The following BCKDHB variants were observed in gnomAD, a reference collection of about 807,000 sequenced individuals.
The protein encoded by BCKDHB is branched chain keto acid dehydrogenase E1 subunit beta.
A neutral mutation model predicts 48.5 loss-of-function variants in BCKDHB; 41 were observed. The observed-to-expected ratio is 0.85, with a 90% CI of 0.66 to 1.10. BCKDHB has a LOEUF of 1.10. Ranked by LOEUF, BCKDHB falls within the 50% of genes least tolerant of loss-of-function variation. The pLI is 0.00. For synonymous variants in BCKDHB, 201 were observed against 174.8 expected, an observed-to-expected ratio of 1.15 and a Z score of -1.18; for missense variants, 496 against 494.2, an observed-to-expected ratio of 1.00 and a Z score of -0.03.
At chr6:80,318,686 TAA>T (rs756830332) in intron 9 of BCKDHB, among the ~76,000 whole-genome samples, 78 of 117,162 alleles carry the variant, frequency 6.7e-4, no homozygotes, top group African/African-American at 1.9e-3. Flanking sequence ...CTCTCTCTCT[TAA>T]AAAAAAAAAA....
Position 80,171,348 on chromosome 6 carries a change from C to T in BCKDHB, c.700C>T (p.Pro234Ser), listed in dbSNP as rs748990947. 3 of 1,607,528 alleles carry T rather than the reference C, an allele frequency of 1.9e-6. No individual in the cohort carries two copies. Among genetic ancestry groups the T allele is most frequent in the Non-Finnish European group, 2.5e-6 (3 of 1,177,448 alleles). ...LLLSCIEDKNPCIFFEPKILY... is the reference protein window; with the variant it reads ...LLLSCIEDKNSCIFFEPKILY... ...TTTGTCATGCATAGAGGATAAAAAT[C>T]CTTGTATATTTTTTGAACCTAAAAT... Residue 234 changes from proline (P) to serine (S), a missense_variant, in exon 6 of 10, where the codon CCT (proline) becomes TCT (serine). By Grantham distance (74) the Pro-to-Ser change is moderately conservative. Transcript: ENST00000320393.
At chr6:80,407,212 T>C in the BCKDHB span, among the ~76,000 whole-genome samples, 1 of 152,218 alleles carries the variant, frequency 6.6e-6, no homozygotes, top group African/African-American at 2.4e-5. Context: ...TTCATTTGTC[T>C]ATATATCTGC....
intron 8 of BCKDHB, among the ~76,000 whole-genome samples, chr6:80,222,548 T>C (rs1775505582): frequency 6.6e-6 from 1 of 152,182 alleles, no homozygotes; most frequent in African/African-American, 2.4e-5. Flanking sequence ...CTTTCAACAC[T>C]GAGTTTACAG....
At position 80,170,011 on chromosome 6, in the gene BCKDHB, T is replaced by C. The variant is rs1238556596; in HGVS notation, c.633+981T>C. ...TTCTGTCTGTCCCCTGCCTTCTCTT[T>C]TCCTCCTTCATTTTCTTTCTTCCTC... On this transcript the variant is annotated intron_variant, in intron 5 of 9. Transcript: ENST00000320393. The C allele has an allele frequency of 4.4e-6, 5 of 1,129,458 alleles. No individual in the cohort carries two copies. The Admixed American group carries it at 1.7e-4, about 38-fold the overall frequency. 70.0% of individuals were successfully genotyped at this position (1,129,458 alleles called of 1,614,324 possible). A position where few individuals can be genotyped will look rare whatever the true frequency, so the allele number is the denominator to read the frequency against.
chr6:80,430,409 T>A, the BCKDHB span, among the ~76,000 whole-genome samples: 1 of 152,170 alleles, frequency 6.6e-6, no homozygotes, highest in Non-Finnish European at 1.5e-5. Context: ...GCTTTTTTTA[T>A]GTTGTTTGGA....
At chr6:80,403,396 A>G in the BCKDHB span, among the ~76,000 whole-genome samples, 1 of 151,918 alleles carries the variant, frequency 6.6e-6, no homozygotes. Context: ...GTTCATTAGC[A>G]TATAGAATCA....
At chr6:80,214,916 G>A (rs760647825) in intron 8 of BCKDHB, among the ~76,000 whole-genome samples, 13 of 152,024 alleles carry the variant, frequency 8.6e-5, no homozygotes, top group Non-Finnish European at 1.3e-4. Flanking sequence ...CTTCTTGACC[G>A]TACAAGGATA....
At chr6:80,305,371 G>C (rs1767809968) in intron 9 of BCKDHB, among the ~76,000 whole-genome samples, 1 of 151,796 alleles carries the variant, frequency 6.6e-6, no homozygotes, top group Non-Finnish European at 1.5e-5. Context: ...TGGATCTCTA[G>C]AGTCAGTCCA....
the BCKDHB span, among the ~76,000 whole-genome samples, chr6:80,437,023 C>T: frequency 3.9e-4 from 59 of 152,164 alleles, 2 homozygotes; most frequent in East Asian, 0.01. Flanking sequence ...TATACTCACC[C>T]ATAATATTAT....
At chr6:80,396,678 G>A in the BCKDHB span, among the ~76,000 whole-genome samples, 1 of 152,202 alleles carries the variant, frequency 6.6e-6, no homozygotes, top group South Asian at 2.1e-4. Flanking sequence ...AGCTGTTCTT[G>A]TGATAGTCAG....
chr6:80,268,991 G>C (rs922984129), intron 8 of BCKDHB, among the ~76,000 whole-genome samples: 1 of 152,090 alleles, frequency 6.6e-6, no homozygotes, highest in Non-Finnish European at 1.5e-5. Context: ...AATGGATTGT[G>C]CTAAGAATGC....
chr6:80,107,102 TCC>T (rs1008442332), intron 1 of BCKDHB, among the ~76,000 whole-genome samples: 1 of 151,246 alleles, frequency 6.6e-6, no homozygotes, highest in African/African-American at 2.4e-5. Context: ...CAGTCCCCCC[TCC>T]CCCGCAACTT....
At chr6:80,361,855 G>A in the BCKDHB span, among the ~76,000 whole-genome samples, 1 of 152,220 alleles carries the variant, frequency 6.6e-6, no homozygotes, top group African/African-American at 2.4e-5. Flanking sequence ...GGCTTGAAAT[G>A]AGAATAGGAG....
chr6:80,160,147 T>C (rs1257643248), intron 3 of BCKDHB, among the ~76,000 whole-genome samples: 1 of 152,180 alleles, frequency 6.6e-6, no homozygotes, highest in African/African-American at 2.4e-5. Flanking sequence ...TAATAGGCTG[T>C]CACCTTAAGT....
rs148902222 is a variant in BCKDHB at position 80,273,215 on chromosome 6, A to T, written c.1032A>T (p.Thr344=). ...GCTTTGCATCGGAAATCAGCTCTAC[A>T]GTTCAGGTAGAGTAATTTTTGGAAC... ...TGGFASEISS[T]VQEECFLNLE... Residue 344 remains threonine (T), a synonymous_variant, in exon 9 of 10, where the codon ACA becomes ACT. Coordinates refer to ENST00000320393, the MANE Select transcript of BCKDHB (RefSeq NM_183050.4). 35 of 1,612,930 alleles carry T rather than the reference A, an allele frequency of 2.2e-5. No homozygotes were observed. The highest frequency in any genetic ancestry group is 3.4e-6 in the Non-Finnish European group (4 of 1,179,228).
At chr6:80,323,039 T>G (rs1768830026) in intron 9 of BCKDHB, among the ~76,000 whole-genome samples, 1 of 152,164 alleles carries the variant, frequency 6.6e-6, no homozygotes, top group African/African-American at 2.4e-5. Context: ...AGAGCTGATT[T>G]CAGATACTGT....
At chr6:80,382,673 G>A in the BCKDHB span, among the ~76,000 whole-genome samples, 25 of 151,866 alleles carry the variant, frequency 1.6e-4, no homozygotes, top group Admixed American at 1.4e-3. Flanking sequence ...TTCCCTGGAC[G>A]TCTTCCCTGT....
the BCKDHB span, among the ~76,000 whole-genome samples, chr6:80,392,937 C>G: frequency 2.1e-5 from 3 of 146,298 alleles, no homozygotes; most frequent in African/African-American, 7.6e-5. Context: ...AAATAACATG[C>G]AATTTCTTGA....
intron 8 of BCKDHB, among the ~76,000 whole-genome samples, chr6:80,226,739 G>A (rs917069729): frequency 2.6e-5 from 4 of 152,154 alleles, no homozygotes; most frequent in Non-Finnish European, 5.9e-5. Flanking sequence ...TTTTTCTGCA[G>A]CAGGCGCCTG....
Sources: gnomAD v4.1 joint callset for allele counts (sites outside exome capture counted in the v4.1 genomes callset) on GRCh38, gnomAD v4.1.1 for gene constraint, MANE v1.5 for transcripts, NCBI Gene and HGNC (gene_info 2026-07-23, HGNC 2026-07-21) for gene names.